FMNL1: variants seen among roughly 807,000 people sequenced by gnomAD.
The protein encoded by FMNL1 is formin like 1.
A neutral mutation model predicts 121.3 loss-of-function variants in FMNL1; 43 were observed. The ratio of observed to expected loss-of-function variants is 0.35; its 90% CI spans 0.28 to 0.46. FMNL1 has a LOEUF of 0.46. Ranked by LOEUF, FMNL1 falls within the 20% of genes least tolerant of loss-of-function variation. The probability of loss-of-function intolerance (pLI) is 1.00; values close to 1 mark genes in which losing one functional copy is unlikely to be tolerated. For synonymous variants in FMNL1, 613 were observed against 613.5 expected, an observed-to-expected ratio of 1.00 and a Z score of 0.01; for missense variants, 1,191 against 1,482.4, an observed-to-expected ratio of 0.80 and a Z score of 3.23.
At chr17:45,230,733 T>C in intron 2 of FMNL1, 46 bp downstream of exon 2, 1 of 1,590,176 alleles carries the variant, frequency 6.3e-7, no homozygotes, top group Non-Finnish European at 8.6e-7. Context: ...CCACTGTCAG[T>C]ACCCCACCCT....
Position 45,241,234 on chromosome 17 carries a change from A to G in FMNL1, c.1332+4A>G. ...CAAGGAGTTGGAGACCCTGCGGGTG[A>G]GGCTGGGGCGGGTGGTAGGCCAGGC... is the stretch of plus-strand genomic sequence containing the variant. On this transcript the variant is annotated splice_donor_region_variant and intron_variant, in intron 13 of 26. Coordinates refer to ENST00000331495, the MANE Select transcript of FMNL1 (RefSeq NM_005892.4). The surrounding 1 kb of genome is among the most constrained non-coding windows in gnomAD (Gnocchi z 7.0). The G allele has an allele frequency of 6.2e-7, 1 of 1,614,030 alleles. No homozygotes were observed. The highest frequency in any genetic ancestry group is 1.1e-5 in the South Asian group (1 of 91,084).
rs561051013 is a variant in FMNL1, at chr17:45,246,931, G to C, written c.*73G>C. The stretch of plus-strand genomic sequence containing the variant: ...GCCGCAGTGCCCGTCGGCGTCCCCC[G>C]GGCCCCCCACTGCAGGTCACCTCCG... On this transcript the variant is annotated 3_prime_UTR_variant, in exon 27 of 27. Transcript: ENST00000331495. The C allele has an allele frequency of 5.2e-4, 391 of 757,916 alleles. No individual in the cohort carries two copies. In the African/African-American group the frequency reaches 5.9e-3, roughly 11 times the overall value. The allele number at this position is 757,916 out of a possible 1,614,324, so 46.9% of individuals were successfully genotyped here.
chr17:45,228,018 T>C (rs1281906774), intron 1 of FMNL1, among the ~76,000 whole-genome samples: 2 of 152,066 alleles, frequency 1.3e-5, no homozygotes, highest in Non-Finnish European at 2.9e-5. Flanking sequence ...ACTTGAGCAC[T>C]GTCAGCCAAC....
chr17:45,227,302 C>T (rs2043349779), intron 1 of FMNL1, among the ~76,000 whole-genome samples: 1 of 151,930 alleles, frequency 6.6e-6, no homozygotes, highest in African/African-American at 2.4e-5. Flanking sequence ...CCCCTTCAGC[C>T]TCCTGGGACA....
At position 45,222,149 on chromosome 17, in the gene FMNL1, GAGCA is replaced by G; in HGVS notation, c.26_29del (p.Glu9GlyfsTer34). 1 of 1,194,542 alleles carries G rather than the reference GAGCA, an allele frequency of 8.4e-7. No individual in the cohort carries two copies. Among genetic ancestry groups the G allele is most frequent in the Non-Finnish European group, 1.0e-6 (1 of 966,884 alleles). The allele number at this position is 1,194,542 out of a possible 1,614,324, so 74.0% of individuals were successfully genotyped here. ...CATGGGCAACGCGGCCGGCAGCGCC[GAGCA>G]GCCCGCGGGCCCCGCCGCGCCGCCC... On this transcript the variant is annotated frameshift_variant, in exon 1 of 27. Transcript: ENST00000331495. LOFTEE classifies it high-confidence loss of function.
intron 1 of FMNL1, among the ~76,000 whole-genome samples, chr17:45,225,451 C>T (rs145841437): frequency 2.2e-3 from 329 of 152,278 alleles, no homozygotes; most frequent in African/African-American, 6.9e-3. Context: ...AGAGGATCTC[C>T]GGGGGGATGT....
At chr17:45,242,226 C>T (rs1008741716) in intron 15 of FMNL1, 80 bp downstream of exon 15, 1 of 1,564,698 alleles carries the variant, frequency 6.4e-7, no homozygotes, top group South Asian at 1.2e-5. Context: ...CCTCCAGGGT[C>T]CTCTGCCTGG....
chr17:45,232,402 C>T lies in FMNL1; in HGVS notation c.249C>T (p.Tyr83=). 2 of 1,613,838 alleles carry T rather than the reference C, an allele frequency of 1.2e-6. No individual in the cohort carries two copies. The highest frequency in any genetic ancestry group is 1.7e-5 in the Admixed American group (1 of 59,938). ...RFQVKNPPAA[Y]IQKLKSYVDT... The stretch of plus-strand genomic sequence containing the variant: ...AAGTCAAGAATCCCCCCGCAGCCTA[C>T]ATCCAGAAGCTGAAGAGCTATGTGG... Residue 83 remains tyrosine, a synonymous_variant, in exon 3 of 27, where the codon TAC becomes TAT. Coordinates refer to ENST00000331495, the MANE Select transcript of FMNL1 (RefSeq NM_005892.4).
intron 1 of FMNL1, among the ~76,000 whole-genome samples, chr17:45,223,388 C>T (rs937143516): frequency 1.3e-5 from 2 of 152,226 alleles, no homozygotes; most frequent in Non-Finnish European, 2.9e-5. Context: ...AGATCCTCAG[C>T]ATGGCTCCAG....
At position 45,246,495 on chromosome 17, in the gene FMNL1, C is replaced by A. The variant is rs1239044771; in HGVS notation, c.3212-10C>A. The stretch of plus-strand genomic sequence containing the variant: ...CTCTACTCCCCTTCACCTGCCCCAC[C>A]CCCACTCAGTGATCAAGACGGTGCC... On this transcript the variant is annotated splice_polypyrimidine_tract_variant and intron_variant, in intron 25 of 26. Coordinates refer to ENST00000331495, the MANE Select transcript of FMNL1 (RefSeq NM_005892.4). The A allele has an allele frequency of 1.2e-6, 2 of 1,613,886 alleles. No individual in the cohort carries two copies. The highest frequency in any genetic ancestry group is 1.7e-6 in the Non-Finnish European group (2 of 1,179,838).
At chr17:45,240,689 G>A in intron 12 of FMNL1, 64 bp downstream of exon 12, 1 of 1,555,450 alleles carries the variant, frequency 6.4e-7, no homozygotes, top group Non-Finnish European at 8.7e-7. Context: ...GGGCCACAGG[G>A]CCACGCAAGC....
chr17:45,234,385 C>A, intron 6 of FMNL1, 185 bp downstream of exon 6: 1 of 1,021,838 alleles, frequency 9.8e-7, no homozygotes, highest in South Asian at 1.5e-5. Flanking sequence ...AGGGGTGGGG[C>A]TGGGTGCTGT....
At chr17:45,230,006 C>G (rs995723938) in intron 1 of FMNL1, among the ~76,000 whole-genome samples, 1 of 152,226 alleles carries the variant, frequency 6.6e-6, no homozygotes, top group African/African-American at 2.4e-5. Context: ...CTTTCTCAGC[C>G]TTCTCCTCCA....
chr17:45,234,405 C>T, intron 6 of FMNL1: 1 of 781,270 alleles, frequency 1.3e-6, no homozygotes, highest in South Asian at 1.7e-5. Context: ...TGGCTCATGC[C>T]TGTAATCCCA....
intron 1 of FMNL1, among the ~76,000 whole-genome samples, chr17:45,223,739 C>T (rs1193336163): frequency 3.3e-5 from 5 of 152,164 alleles, no homozygotes; most frequent in South Asian, 2.1e-4. Flanking sequence ...CCCCTGCCAA[C>T]CTGGTTGGAG....
chr17:45,240,447 T>C, intron 11 of FMNL1, 29 bp from the exon 12 acceptor site: 1 of 1,591,446 alleles, frequency 6.3e-7, no homozygotes, highest in Non-Finnish European at 8.6e-7. Flanking sequence ...ACACCAGGCC[T>C]CACCCCACTC....
rs2043458994 is a variant in FMNL1 at position 45,232,469 on chromosome 17, T to C, written c.316T>C (p.Ser106Pro). ...CCGAAAGGTAGCAGCTGATTGGATG[T>C]CCAACCTGGGGGTACATGTCTCCCC... is the stretch of plus-strand genomic sequence containing the variant. ...VSRKVAADWM[S>P]NLGFKRRVQE... Residue 106 changes from serine to proline, a missense_variant, in exon 3 of 27, where the codon TCC (serine) becomes CCC (proline). Physicochemically the swap from Ser to Pro is moderately conservative, Grantham distance 74. Coordinates refer to ENST00000331495, the MANE Select transcript of FMNL1 (RefSeq NM_005892.4). 1 of 1,613,932 alleles carries C rather than the reference T, an allele frequency of 6.2e-7. No homozygotes were observed. The highest frequency in any genetic ancestry group is 1.3e-5 in the African/African-American group (1 of 74,900).
At position 45,237,959 on chromosome 17, in the gene FMNL1, TA is replaced by T. The variant is rs1453596735; in HGVS notation, c.894+322del. On this transcript the variant is annotated intron_variant, in intron 9 of 26. Coordinates refer to ENST00000331495, the MANE Select transcript of FMNL1 (RefSeq NM_005892.4). This position sits in a 1 kb window ranked among gnomAD's most constrained non-coding sequence, Gnocchi z 4.4. ...ACCTCCAGGAGTTGCGGACTCTGGC[TA>T]ACAGGCTTGCAAGAAGTAGATGTGT... 1.1e-4 allele frequency: 33 copies of T among 300,688 alleles called. No homozygotes were observed. The Admixed American group carries it at 1.4e-3, about 12-fold the overall frequency. 18.6% of individuals were successfully genotyped at this position (300,688 alleles called of 1,614,324 possible).
Position 45,242,423 on chromosome 17 carries a change from C to T in FMNL1, c.1968C>T (p.Thr656=), listed in dbSNP as rs375072398. ...NWVALKPSQI[T]GTVFTELNDE... is the part of the protein sequence containing the mutation. Reference sequence around the variant, plus strand: ...TGGCACTGAAACCCAGCCAGATCACCGGCACTGTCTTCACAGAGCTCAATG... The same window carrying T: ...TGGCACTGAAACCCAGCCAGATCACTGGCACTGTCTTCACAGAGCTCAATG... The change falls in exon 16 of 27, where the codon ACC becomes ACT. Residue 656 remains threonine (T), a synonymous_variant. Transcript: ENST00000331495. The T allele has an allele frequency of 1.1e-5, 17 of 1,614,006 alleles. No homozygotes were observed. The highest frequency in any genetic ancestry group is 1.6e-4 in the Middle Eastern group (1 of 6,078).
Sources: gnomAD v4.1 joint callset for allele counts (sites outside exome capture counted in the v4.1 genomes callset) on GRCh38, gnomAD v4.1.1 for gene constraint, Gnocchi (gnomAD v3.1) non-coding constraint, MANE v1.5 for transcripts, NCBI Gene and HGNC (gene_info 2026-07-23, HGNC 2026-07-21) for gene names.